The following MAP3K5 variants were observed in gnomAD, a reference collection of about 807,000 sequenced individuals.
MAP3K5 encodes mitogen-activated protein kinase kinase kinase 5.
MAP3K5 carries 56 observed loss-of-function variants against 158.7 expected under a neutral mutation model. The observed-to-expected ratio is 0.35, with a 90% CI of 0.28 to 0.44. MAP3K5 has a LOEUF of 0.44. MAP3K5 is among the 20% of genes least tolerant of loss of function. MAP3K5 has a pLI of 1.00. For missense variants in MAP3K5, 1,294 were observed against 1,674.8 expected, an observed-to-expected ratio of 0.77 and a Z score of 3.97; for synonymous variants, 579 against 601.7, an observed-to-expected ratio of 0.96 and a Z score of 0.55.
chr6:136,626,926 G>A (rs972788543), intron 14 of MAP3K5, among the ~76,000 whole-genome samples: 6 of 152,148 alleles, frequency 3.9e-5, no homozygotes, highest in Non-Finnish European at 8.8e-5. Context: ...ACCAGCTTGT[G>A]AGATTCCAGA....
chr6:136,691,585 T>C (rs1236502535), intron 7 of MAP3K5, among the ~76,000 whole-genome samples: 1 of 148,528 alleles, frequency 6.7e-6, no homozygotes, highest in African/African-American at 2.5e-5. Flanking sequence ...AACTCCAGCC[T>C]GGGCAACAGA....
chr6:136,642,400 C>A, intron 12 of MAP3K5, 120 bp downstream of exon 12: 1 of 765,674 alleles, frequency 1.3e-6, no homozygotes, highest in South Asian at 1.7e-5. Context: ...GGCATTTCCA[C>A]CAATTGAATG....
intron 26 of MAP3K5, among the ~76,000 whole-genome samples, chr6:136,564,239 C>G (rs1023858007): frequency 6.6e-6 from 1 of 152,142 alleles, no homozygotes. Flanking sequence ...CCCCCAGGCT[C>G]GACCCCATTC....
chr6:136,645,654 A>G (rs574620788), intron 11 of MAP3K5, among the ~76,000 whole-genome samples: 3 of 152,346 alleles, frequency 2.0e-5, no homozygotes, highest in African/African-American at 4.8e-5. Flanking sequence ...CCATTCATTC[A>G]ACAAATAGAG....
chr6:136,574,995 CTTTTT>C (rs930797296), intron 25 of MAP3K5, among the ~76,000 whole-genome samples: 1 of 150,888 alleles, frequency 6.6e-6, no homozygotes, highest in Non-Finnish European at 1.5e-5. Flanking sequence ...GGCCTAAACA[CTTTTT>C]TTTTAACTTT....
intron 1 of MAP3K5, among the ~76,000 whole-genome samples, chr6:136,767,501 A>G (rs749362722): frequency 6.6e-5 from 10 of 152,186 alleles, no homozygotes; most frequent in African/African-American, 2.4e-4. Flanking sequence ...TGAAAACTGC[A>G]ATCTACAATT....
At chr6:136,754,484 C>A (rs972717735) in intron 1 of MAP3K5, among the ~76,000 whole-genome samples, 7 of 151,346 alleles carry the variant, frequency 4.6e-5, no homozygotes, top group Admixed American at 6.6e-5. Flanking sequence ...AAGGCTGAGG[C>A]GGGTGGAACA....
At chr6:136,768,828 G>A (rs766943157) in intron 1 of MAP3K5, among the ~76,000 whole-genome samples, 14 of 151,838 alleles carry the variant, frequency 9.2e-5, no homozygotes, top group Non-Finnish European at 2.1e-4. Flanking sequence ...CAGGAGAATC[G>A]CTTGAACCCA....
At chr6:136,754,523 C>T (rs1783381318) in intron 1 of MAP3K5, among the ~76,000 whole-genome samples, 1 of 150,510 alleles carries the variant, frequency 6.6e-6, no homozygotes, top group Non-Finnish European at 1.5e-5. Context: ...AGGCCTGCAG[C>T]AAGTGATGAT....
At chr6:136,774,879 C>T (rs546072684) in intron 1 of MAP3K5, among the ~76,000 whole-genome samples, 21 of 152,310 alleles carry the variant, frequency 1.4e-4, no homozygotes, top group African/African-American at 4.6e-4. Context: ...CCTTGTTTGT[C>T]AGATGTTTCT....
intron 19 of MAP3K5, among the ~76,000 whole-genome samples, chr6:136,603,915 C>A (rs1405177582): frequency 1.3e-5 from 2 of 152,180 alleles, no homozygotes; most frequent in South Asian, 4.1e-4. Context: ...CCAAGCTTTG[C>A]ACAAAAGCAG....
At chr6:136,632,912 T>C (rs572158520) in intron 14 of MAP3K5, among the ~76,000 whole-genome samples, 124 of 152,304 alleles carry the variant, frequency 8.1e-4, no homozygotes, top group Admixed American at 2.2e-3. Context: ...TTCATTACCC[T>C]TCCACGTCAA....
chr6:136,673,068 C>A (rs1027754920), intron 7 of MAP3K5, among the ~76,000 whole-genome samples: 15 of 150,616 alleles, frequency 1.0e-4, no homozygotes, highest in African/African-American at 3.7e-4. Context: ...AAACACAAAA[C>A]TCTCAAGGAC....
intron 26 of MAP3K5, among the ~76,000 whole-genome samples, chr6:136,565,668 G>A (rs760362841): frequency 5.9e-5 from 9 of 152,136 alleles, no homozygotes; most frequent in Admixed American, 1.3e-4. Flanking sequence ...TTCATTTTGC[G>A]GTAGGTATGC....
At chr6:136,652,889 T>C (rs1778580875) in intron 10 of MAP3K5, among the ~76,000 whole-genome samples, 2 of 152,102 alleles carry the variant, frequency 1.3e-5, no homozygotes, top group African/African-American at 4.8e-5. Flanking sequence ...ATTACAGAGG[T>C]CACAGAAAGG....
chr6:136,703,668 T>C lies in MAP3K5; in HGVS notation c.612+1442A>G, dbSNP rs531351105. ...CATTGAAGCATGAAGCAATAATTGC[T>C]CATTTCCTGTTGAGATAGGAAGGAT... On this transcript the variant is annotated intron_variant, in intron 3 of 29. Transcript: ENST00000359015. Among the ~76,000 whole-genome samples the C allele has an allele frequency of 1.1e-4, 16 of 152,366 alleles. No homozygotes were observed. In the East Asian group the frequency reaches 2.1e-3, roughly 20 times the overall value.
chr6:136,602,764 T>C (rs1358282893), intron 19 of MAP3K5, among the ~76,000 whole-genome samples: 1 of 152,198 alleles, frequency 6.6e-6, no homozygotes, highest in East Asian at 1.9e-4. Context: ...AAGGATGAGG[T>C]AACAAGGCTA....
chr6:136,687,971 C>G (rs907641571), intron 7 of MAP3K5, among the ~76,000 whole-genome samples: 3 of 152,086 alleles, frequency 2.0e-5, no homozygotes, highest in African/African-American at 7.2e-5. Context: ...CATGCACACA[C>G]ATGTTTATTG....
intron 3 of MAP3K5, 64 bp downstream of exon 3, chr6:136,705,046 C>T (rs564442214): frequency 2.0e-4 from 154 of 768,366 alleles, no homozygotes; most frequent in African/African-American, 1.3e-3. Flanking sequence ...TTAAAAATAC[C>T]AAAGATTAGT....
Sources: allele counts gnomAD v4.1 joint callset (sites outside exome capture counted in the v4.1 genomes callset), GRCh38; gene constraint gnomAD v4.1.1; transcripts MANE v1.5; gene names NCBI Gene and HGNC (gene_info 2026-07-23, HGNC 2026-07-21).